The following GLIPR1L2 variants were observed in gnomAD, a reference collection of about 807,000 sequenced individuals.
GLIPR1L2 encodes the protein GLIPR1-like protein 2.
GLIPR1L2 carries 21 observed loss-of-function variants against 28.4 expected under a neutral mutation model. The observed-to-expected ratio is 0.74, with a 90% CI of 0.52 to 1.06. The LOEUF is 1.06. Ranked by LOEUF, GLIPR1L2 falls within the 50% of genes least tolerant of loss-of-function variation. The pLI is 0.00. For missense variants in GLIPR1L2, 476 were observed against 416.9 expected (o/e 1.14, Z -1.23); for synonymous variants, 145 against 139.3 (o/e 1.04, Z -0.29).
intron 1 of GLIPR1L2, among the ~76,000 whole-genome samples, chr12:75,395,716 C>T (rs533672905): frequency 3.3e-5 from 5 of 151,570 alleles, no homozygotes; most frequent in African/African-American, 1.2e-4. Flanking sequence ...TTCGTTACTA[C>T]CTTTTGGTAG....
chr12:75,416,403 G>C (rs2139951823), intron 3 of GLIPR1L2, among the ~76,000 whole-genome samples: 1 of 152,106 alleles, frequency 6.6e-6, no homozygotes, highest in Non-Finnish European at 1.5e-5. Context: ...ATGTGGGAGA[G>C]TGAATATGGA....
chr12:75,405,501 A>G (rs556545512), intron 1 of GLIPR1L2, among the ~76,000 whole-genome samples: 1 of 152,280 alleles, frequency 6.6e-6, no homozygotes, highest in African/African-American at 2.4e-5. Flanking sequence ...GCAGGGAGGA[A>G]GAGGTAACAA....
intron 2 of GLIPR1L2, among the ~76,000 whole-genome samples, chr12:75,412,847 A>G (rs1370496789): frequency 6.6e-6 from 1 of 152,166 alleles, no homozygotes; most frequent in Non-Finnish European, 1.5e-5. Flanking sequence ...ATTACTGGGT[A>G]TATACCCAAA....
intron 4 of GLIPR1L2, among the ~76,000 whole-genome samples, chr12:75,425,314 G>A (rs961398404): frequency 6.6e-6 from 1 of 152,104 alleles, no homozygotes; most frequent in African/African-American, 2.4e-5. Flanking sequence ...AGTCCATGTT[G>A]GAGTGGGCTG....
chr12:75,407,855 C>T (rs2045820132), intron 1 of GLIPR1L2, among the ~76,000 whole-genome samples: 1 of 152,006 alleles, frequency 6.6e-6, no homozygotes, highest in South Asian at 2.1e-4. Flanking sequence ...GCTATAATAT[C>T]TTAGTAGTTC....
At chr12:75,403,037 C>T (rs112542722) in intron 1 of GLIPR1L2, 13 of 456,992 alleles carry the variant, frequency 2.8e-5, no homozygotes, top group African/African-American at 2.0e-4. Context: ...GCTGTGACTC[C>T]GATGGTAGCA....
chr12:75,429,277 CA>C (rs927297122), intron 4 of GLIPR1L2, among the ~76,000 whole-genome samples: 22 of 152,284 alleles, frequency 1.4e-4, no homozygotes, highest in African/African-American at 5.3e-4. Flanking sequence ...GACATGGAGC[CA>C]AAGGAGATTA....
chr12:75,430,634 A>G, intron 4 of GLIPR1L2, 81 bp from the exon 5 acceptor site: 1 of 1,277,140 alleles, frequency 7.8e-7, no homozygotes, highest in Non-Finnish European at 1.1e-6. Context: ...AGAAAGTGAC[A>G]CTATTATTGG....
chr12:75,408,323 G>A (rs936277558), intron 1 of GLIPR1L2, among the ~76,000 whole-genome samples: 1 of 151,946 alleles, frequency 6.6e-6, no homozygotes, highest in African/African-American at 2.4e-5. Context: ...TTGGGAATTA[G>A]ATTTCATGGG....
At chr12:75,412,432 C>T (rs1252614520) in intron 2 of GLIPR1L2, among the ~76,000 whole-genome samples, 2 of 151,762 alleles carry the variant, frequency 1.3e-5, no homozygotes, top group Non-Finnish European at 2.9e-5. Context: ...GGAAAATTTT[C>T]ACAACCTACA....
At chr12:75,393,089 G>C (rs1027290338) in intron 1 of GLIPR1L2, among the ~76,000 whole-genome samples, 6 of 151,898 alleles carry the variant, frequency 4.0e-5, no homozygotes, top group Non-Finnish European at 5.9e-5. Flanking sequence ...GTTAATACCT[G>C]TAAACTCCAC....
At chr12:75,408,433 A>AAATAAT (rs10532059) in intron 1 of GLIPR1L2, among the ~76,000 whole-genome samples, 1 of 151,076 alleles carries the variant, frequency 6.6e-6, no homozygotes, top group African/African-American at 2.4e-5. Context: ...GGGAAAACAG[A>AAATAAT]AATAATAATA....
intron 3 of GLIPR1L2, among the ~76,000 whole-genome samples, chr12:75,422,665 G>A (rs56198554): frequency 0.019 from 2,820 of 152,250 alleles, 72 homozygotes; most frequent in African/African-American, 0.064. Flanking sequence ...CTTTAAAACC[G>A]ATTCTTATAT....
intron 3 of GLIPR1L2, among the ~76,000 whole-genome samples, chr12:75,419,098 C>G (rs999667931): frequency 1.3e-5 from 2 of 152,042 alleles, no homozygotes; most frequent in African/African-American, 4.8e-5. Flanking sequence ...AACCATGGCA[C>G]ATGTATACCT....
chr12:75,425,297 G>A (rs2046022953), intron 4 of GLIPR1L2, among the ~76,000 whole-genome samples: 1 of 152,120 alleles, frequency 6.6e-6, no homozygotes, highest in African/African-American at 2.4e-5. Flanking sequence ...AGAAGAATAA[G>A]GAGAAGAGTC....
chr12:75,406,772 AAAGAGAG>A (rs1345573772), intron 1 of GLIPR1L2, among the ~76,000 whole-genome samples: 1 of 141,146 alleles, frequency 7.1e-6, no homozygotes. Context: ...AAAAAAAAAA[AAAGAGAG>A]AGAGAGAGAA....
At chr12:75,397,698 A>G (rs1164540462) in intron 1 of GLIPR1L2, among the ~76,000 whole-genome samples, 2 of 152,196 alleles carry the variant, frequency 1.3e-5, no homozygotes, top group South Asian at 2.1e-4. Flanking sequence ...TTGTAGGCAT[A>G]GGATAGATCT....
At chr12:75,423,120 A>C in intron 4 of GLIPR1L2, 131 bp downstream of exon 4, 1 of 1,560,796 alleles carries the variant, frequency 6.4e-7, no homozygotes, top group East Asian at 2.3e-5. Context: ...TTATGTTATC[A>C]AAGGATGGTT....
intron 1 of GLIPR1L2, among the ~76,000 whole-genome samples, chr12:75,409,839 T>C (rs2045846568): frequency 6.8e-6 from 1 of 147,938 alleles, no homozygotes; most frequent in Non-Finnish European, 1.5e-5. Flanking sequence ...TCTAATCCGA[T>C]ATATATATAA....
Sources: allele counts gnomAD v4.1 joint callset (sites outside exome capture counted in the v4.1 genomes callset), GRCh38; gene constraint gnomAD v4.1.1; transcripts MANE v1.5; gene names NCBI Gene and HGNC (gene_info 2026-07-23, HGNC 2026-07-21).